PARD3: variants seen among roughly 807,000 people sequenced by gnomAD.
PARD3 encodes the protein par-3 family cell polarity regulator, also known as partitioning defective 3 homolog.
A neutral mutation model predicts 155.4 loss-of-function variants in PARD3; 75 were observed. The ratio of observed to expected loss-of-function variants is 0.48; its 90% CI spans 0.40 to 0.58. The LOEUF (loss-of-function observed/expected upper bound fraction) is 0.58. Among genes scored for constraint, PARD3 ranks in the 20% least tolerant of loss-of-function variants. The pLI, the probability that PARD3 is intolerant of heterozygous loss-of-function variation, is 0.00. For missense variants in PARD3, 1,642 were observed against 1,721.7 expected (o/e 0.95, Z 0.82); for synonymous variants, 576 against 610.5 (o/e 0.94, Z 0.83).
intron 5 of PARD3, among the ~76,000 whole-genome samples, chr10:34,403,056 CA>C (rs1468886973): frequency 3.3e-5 from 5 of 152,268 alleles, no homozygotes; most frequent in African/African-American, 1.2e-4. Context: ...ATGATGGAGG[CA>C]TAGTCTTTGG....
intron 22 of PARD3, among the ~76,000 whole-genome samples, chr10:34,142,605 A>G (rs865882969): frequency 3.3e-5 from 5 of 151,746 alleles, no homozygotes; most frequent in African/African-American, 7.3e-5. Flanking sequence ...GGGAGGGAGG[A>G]AAGAAGGAAA....
intron 22 of PARD3, among the ~76,000 whole-genome samples, chr10:34,192,249 TTTTG>T (rs535379598): frequency 1.0e-3 from 157 of 151,834 alleles, no homozygotes; most frequent in African/African-American, 2.7e-3. Flanking sequence ...TGTTTGTGGG[TTTTG>T]TTTGTTTGTT....
rs1339195145 is a variant in PARD3 at position 34,805,971 on chromosome 10, C to T, written c.120+8905G>A. ...CAGCCTGGGCGACAGAGCGAGACTC[C>T]GTCTCAAAAAGACAAAAAAAAAGGA... On this transcript the variant is annotated intron_variant, in intron 1 of 24. Coordinates refer to ENST00000374788, the MANE Select transcript of PARD3 (RefSeq NM_001184785.2). 3.3e-5 allele frequency among the ~76,000 whole-genome samples: 5 copies of T among 151,188 alleles called. No individual in the cohort carries two copies. The East Asian group carries it at 7.9e-4, about 24-fold the overall frequency.
At chr10:34,403,660 G>A (rs1258022214) in intron 5 of PARD3, among the ~76,000 whole-genome samples, 2 of 152,180 alleles carry the variant, frequency 1.3e-5, no homozygotes, top group African/African-American at 4.8e-5. Flanking sequence ...GATTGATGAT[G>A]CTGTGTCTTG....
At chr10:34,722,502 C>T (rs994073730) in intron 1 of PARD3, among the ~76,000 whole-genome samples, 1 of 152,120 alleles carries the variant, frequency 6.6e-6, no homozygotes, top group East Asian at 1.9e-4. Context: ...ACTGAAGAAC[C>T]AGCCTGGCCA....
chr10:34,741,327 G>A (rs373071958), intron 1 of PARD3, among the ~76,000 whole-genome samples: 2 of 151,682 alleles, frequency 1.3e-5, no homozygotes, highest in African/African-American at 4.8e-5. Flanking sequence ...TGGACTACGG[G>A]CATGCACCAC....
chr10:34,159,285 C>T (rs1047251053), intron 22 of PARD3, among the ~76,000 whole-genome samples: 1 of 152,190 alleles, frequency 6.6e-6, no homozygotes, highest in African/African-American at 2.4e-5. Context: ...TCTACTGCTA[C>T]TCATGGGCTG....
At chr10:34,808,971 A>G (rs1474416478) in intron 1 of PARD3, among the ~76,000 whole-genome samples, 3 of 152,186 alleles carry the variant, frequency 2.0e-5, no homozygotes, top group Admixed American at 2.0e-4. Flanking sequence ...AGATTCTCAC[A>G]CAGCCCTGGC....
chr10:34,388,980 G>A (rs1842619229), intron 7 of PARD3, among the ~76,000 whole-genome samples: 2 of 152,102 alleles, frequency 1.3e-5, no homozygotes, highest in African/African-American at 4.8e-5. Context: ...ATGTGAAACA[G>A]AACCTCCTCT....
chr10:34,287,022 T>C (rs1956428474), intron 20 of PARD3, among the ~76,000 whole-genome samples: 1 of 152,002 alleles, frequency 6.6e-6, no homozygotes, highest in Admixed American at 6.6e-5. Context: ...CAGCAAGATA[T>C]ACAGGGCCAG....
chr10:34,502,000 C>T (rs1024012744), intron 3 of PARD3, among the ~76,000 whole-genome samples: 18 of 152,172 alleles, frequency 1.2e-4, no homozygotes, highest in Admixed American at 5.9e-4. Context: ...TTGCTCCTCC[C>T]ACCATGTAAA....
intron 22 of PARD3, among the ~76,000 whole-genome samples, chr10:34,150,881 T>A (rs624906): frequency 0.23 from 35,650 of 152,220 alleles, 5,310 homozygotes; most frequent in Non-Finnish European, 0.32. Context: ...TCTCTAAGAC[T>A]AACCTTCCTA....
At chr10:34,795,824 G>A (rs1429591633) in intron 1 of PARD3, among the ~76,000 whole-genome samples, 1 of 151,596 alleles carries the variant, frequency 6.6e-6, no homozygotes, top group Non-Finnish European at 1.5e-5. Flanking sequence ...AACCCATGAG[G>A]TGGAGGTTGT....
chr10:34,687,692 T>G (rs1225593075), intron 2 of PARD3, among the ~76,000 whole-genome samples: 1 of 151,992 alleles, frequency 6.6e-6, no homozygotes, highest in Non-Finnish European at 1.5e-5. Context: ...AGGAAGTGCT[T>G]GATATTACAT....
intron 2 of PARD3, among the ~76,000 whole-genome samples, chr10:34,607,635 G>T (rs1369052065): frequency 6.6e-6 from 1 of 152,174 alleles, no homozygotes; most frequent in Non-Finnish European, 1.5e-5. Flanking sequence ...GGCAGGAAAA[G>T]GTAAGTCCAT....
chr10:34,435,257 C>T (rs1398025336), intron 5 of PARD3, among the ~76,000 whole-genome samples: 1 of 152,118 alleles, frequency 6.6e-6, no homozygotes, highest in African/African-American at 2.4e-5. Flanking sequence ...GATGGCAACA[C>T]TTCATCATCT....
rs527348115 is a variant in PARD3 at position 34,517,996 on chromosome 10, A to G, written c.223-837T>C. Among the ~76,000 whole-genome samples, 38 of 152,294 alleles carry G rather than the reference A, an allele frequency of 2.5e-4. No individual in the cohort carries two copies. The South Asian group carries it at 7.9e-3, about 32-fold the overall frequency. ...TGGGTTCAAGTGATTCTCCTGCCTC[A>G]GCCTCCCAAGTAGCGGGGATTACAG... On this transcript the variant is annotated intron_variant, in intron 2 of 24. Coordinates refer to ENST00000374788, the MANE Select transcript of PARD3 (RefSeq NM_001184785.2).
intron 2 of PARD3, among the ~76,000 whole-genome samples, chr10:34,540,575 C>T (rs2083538862): frequency 2.0e-5 from 3 of 152,080 alleles, no homozygotes. Context: ...CCAGTCTGGA[C>T]AATACAGCAA....
chr10:34,417,427 G>C (rs763009486), intron 5 of PARD3, among the ~76,000 whole-genome samples: 10 of 152,078 alleles, frequency 6.6e-5, no homozygotes, highest in Non-Finnish European at 1.5e-4. Flanking sequence ...AAAATTGAAA[G>C]AATATGCTCA....
Sources: gnomAD v4.1 joint callset for allele counts (sites outside exome capture counted in the v4.1 genomes callset) on GRCh38, gnomAD v4.1.1 for gene constraint, MANE v1.5 for transcripts, NCBI Gene and HGNC (gene_info 2026-07-23, HGNC 2026-07-21) for gene names.